Variants in RAD51B observed in about 807,000 individuals in gnomAD.
RAD51B encodes the protein RAD51 paralog B.
A neutral mutation model predicts 42.2 loss-of-function variants in RAD51B; 38 were observed. The ratio of observed to expected loss-of-function variants is 0.90; its 90% CI spans 0.70 to 1.18. The LOEUF (loss-of-function observed/expected upper bound fraction) is 1.18. Ranked by LOEUF, RAD51B falls within the 50% of genes most tolerant of loss-of-function variation. The probability of loss-of-function intolerance (pLI) is 0.00; values close to 1 mark genes in which losing one functional copy is unlikely to be tolerated. For missense variants in RAD51B, 373 were observed against 400.7 expected (o/e 0.93, Z 0.59); for synonymous variants, 154 against 145.2 (o/e 1.06, Z -0.43).
intron 7 of RAD51B, among the ~76,000 whole-genome samples, chr14:67,985,358 A>T (rs1451152742): frequency 6.6e-6 from 1 of 152,222 alleles, no homozygotes; most frequent in Non-Finnish European, 1.5e-5. Flanking sequence ...GATGTTATGT[A>T]AGAGACTCAG....
intron 7 of RAD51B, among the ~76,000 whole-genome samples, chr14:68,126,395 A>G (rs1281353501): frequency 6.6e-6 from 1 of 152,172 alleles, no homozygotes; most frequent in Non-Finnish European, 1.5e-5. Context: ...TTCCTTCTTT[A>G]TGGATTACTT....
chr14:68,199,720 C>G (rs1196994442), intron 7 of RAD51B, among the ~76,000 whole-genome samples: 1 of 152,204 alleles, frequency 6.6e-6, no homozygotes, highest in Non-Finnish European at 1.5e-5. Flanking sequence ...CACTCTCCCT[C>G]TAGGGAGGGC....
At chr14:68,208,377 T>C (rs2079637170) in intron 7 of RAD51B, among the ~76,000 whole-genome samples, 1 of 152,210 alleles carries the variant, frequency 6.6e-6, no homozygotes, top group Non-Finnish European at 1.5e-5. Flanking sequence ...TTTTGACTGC[T>C]GAGACATGCT....
intron 7 of RAD51B, among the ~76,000 whole-genome samples, chr14:68,260,386 A>C (rs2080864643): frequency 6.8e-6 from 1 of 147,500 alleles, no homozygotes. Flanking sequence ...CATGGCTGAC[A>C]CCTCTATAAC....
chr14:67,868,374 C>T (rs564571705), intron 5 of RAD51B, among the ~76,000 whole-genome samples: 46 of 151,612 alleles, frequency 3.0e-4, no homozygotes, highest in Middle Eastern at 3.4e-3. Flanking sequence ...TGTGCTTTTC[C>T]GACGGGCTTA....
At chr14:67,986,630 A>G (rs2075198655) in intron 7 of RAD51B, among the ~76,000 whole-genome samples, 1 of 152,230 alleles carries the variant, frequency 6.6e-6, no homozygotes, top group African/African-American at 2.4e-5. Context: ...AAGATTGGGA[A>G]TATCTTCAGT....
At chr14:68,568,750 T>A (rs1458092090) in intron 10 of RAD51B, among the ~76,000 whole-genome samples, 1 of 152,214 alleles carries the variant, frequency 6.6e-6, no homozygotes, top group Non-Finnish European at 1.5e-5. Context: ...GCTTGCACTG[T>A]TTTTGGCCTA....
At chr14:68,198,505 G>A (rs1055826644) in intron 7 of RAD51B, among the ~76,000 whole-genome samples, 1 of 152,166 alleles carries the variant, frequency 6.6e-6, no homozygotes, top group African/African-American at 2.4e-5. Flanking sequence ...GGATTGTAAT[G>A]AATCTGTGTT....
At chr14:68,134,972 GGAAT>G (rs1239447068) in intron 7 of RAD51B, among the ~76,000 whole-genome samples, 1 of 152,092 alleles carries the variant, frequency 6.6e-6, no homozygotes, top group African/African-American at 2.4e-5. Flanking sequence ...AATATTTTAA[GGAAT>G]GAAGTATACA....
At chr14:68,149,552 T>C (rs1330311970) in intron 7 of RAD51B, 2 of 152,260 alleles carry the variant, frequency 1.3e-5, no homozygotes. Context: ...TAGTTATCTA[T>C]ATTTTCACCA....
intron 8 of RAD51B, among the ~76,000 whole-genome samples, chr14:68,365,989 A>G: frequency 6.6e-6 from 1 of 152,018 alleles, no homozygotes; most frequent in Non-Finnish European, 1.5e-5. Context: ...TCTGTTGATT[A>G]TTGCAAACAC....
chr14:68,301,883 C>T (rs754414203), intron 8 of RAD51B, among the ~76,000 whole-genome samples: 2 of 152,226 alleles, frequency 1.3e-5, no homozygotes, highest in Admixed American at 6.5e-5. Flanking sequence ...AGGAGTGAAC[C>T]ACTGCGCTTG....
At chr14:68,508,475 G>A (rs575933616) in intron 10 of RAD51B, among the ~76,000 whole-genome samples, 13 of 152,278 alleles carry the variant, frequency 8.5e-5, no homozygotes, top group Middle Eastern at 3.4e-3. Context: ...GCTAGAGACC[G>A]TTGCAGAGTC....
chr14:67,843,727 A>G (rs891652202), intron 4 of RAD51B, among the ~76,000 whole-genome samples: 4 of 33,026 alleles, frequency 1.2e-4, no homozygotes, highest in African/African-American at 4.6e-4. Context: ...CTGATTGTTT[A>G]TTTGGATCTT....
chr14:67,943,897 G>A (rs1240069357), intron 7 of RAD51B, among the ~76,000 whole-genome samples: 2 of 151,086 alleles, frequency 1.3e-5, no homozygotes, highest in Non-Finnish European at 3.0e-5. Flanking sequence ...TGGAGATATA[G>A]ATATAGATAT....
chr14:68,036,039 T>C (rs1224084015), intron 7 of RAD51B, among the ~76,000 whole-genome samples: 4 of 152,230 alleles, frequency 2.6e-5, no homozygotes, highest in Non-Finnish European at 5.9e-5. Context: ...CTGTTATCCG[T>C]GGTTTATCTG....
intron 4 of RAD51B, among the ~76,000 whole-genome samples, chr14:67,837,776 T>C (rs1306599969): frequency 6.6e-6 from 1 of 152,154 alleles, no homozygotes; most frequent in Admixed American, 6.6e-5. Flanking sequence ...CTTCAAGCAT[T>C]TATCATTTTT....
intron 7 of RAD51B, among the ~76,000 whole-genome samples, chr14:68,061,923 C>G (rs1157480860): frequency 6.6e-6 from 1 of 152,146 alleles, no homozygotes; most frequent in Admixed American, 6.6e-5. Context: ...GCTAGGACTT[C>G]CGGTACTAAA....
chr14:68,653,679 C>A (rs1038595610), intron 11 of RAD51B, among the ~76,000 whole-genome samples: 2 of 152,198 alleles, frequency 1.3e-5, no homozygotes, highest in Non-Finnish European at 2.9e-5. Flanking sequence ...AATTTGAGAA[C>A]CACTGGTCTG....
Sources: allele counts gnomAD v4.1 joint callset (sites outside exome capture counted in the v4.1 genomes callset), GRCh38; gene constraint gnomAD v4.1.1; transcripts MANE v1.5; gene names NCBI Gene and HGNC (gene_info 2026-07-23, HGNC 2026-07-21).